Variants in TM9SF4 observed in about 807,000 individuals in gnomAD.
TM9SF4 encodes the protein dinucleotide oxidase disulfide thiol exchanger 3 superfamily member 4.
A neutral mutation model predicts 90.4 loss-of-function variants in TM9SF4; 26 were observed. That is an observed-to-expected ratio of 0.29 (90% confidence interval 0.21 to 0.40). The LOEUF is 0.40. Among genes scored for constraint, TM9SF4 ranks in the 10% least tolerant of loss-of-function variants. The pLI is 1.00. For missense variants in TM9SF4, 549 were observed against 834.8 expected, an observed-to-expected ratio of 0.66 and a Z score of 4.22; for synonymous variants, 293 against 315.4, an observed-to-expected ratio of 0.93 and a Z score of 0.75.
chr20:32,111,083 C>T (rs568771680), intron 1 of TM9SF4, among the ~76,000 whole-genome samples: 1 of 152,270 alleles, frequency 6.6e-6, no homozygotes, highest in South Asian at 2.1e-4. Context: ...ATTTTCCCTC[C>T]TTCTCTTAGC....
chr20:32,157,472 T>C (rs1338800668), intron 13 of TM9SF4, among the ~76,000 whole-genome samples: 1 of 152,228 alleles, frequency 6.6e-6, no homozygotes, highest in Non-Finnish European at 1.5e-5. Context: ...CTTCACATAA[T>C]GTGCCACATG....
At chr20:32,113,565 G>T (rs2046177905) in intron 1 of TM9SF4, among the ~76,000 whole-genome samples, 1 of 151,414 alleles carries the variant, frequency 6.6e-6, no homozygotes, top group East Asian at 2.0e-4. Flanking sequence ...ATTTCTAGAT[G>T]TGTCAGGAGT....
At chr20:32,157,710 A>G (rs969432091) in intron 13 of TM9SF4, 84 bp from the exon 14 acceptor site, 1 of 1,517,664 alleles carries the variant, frequency 6.6e-7, no homozygotes, top group Non-Finnish European at 8.9e-7. Context: ...CCTTCTGTGG[A>G]GCCCAGAAGG....
rs1390461480 is a variant in TM9SF4, at chr20:32,141,536, T to A, written c.269T>A (p.Phe90Tyr). The stretch of plus-strand genomic sequence containing the variant: ...GGGGACCGGATTGTCAACACCCCTT[T>A]CCAGGTTCTCATGAACAGCGAGAAG... ...LRGDRIVNTP[F>Y]QVLMNSEKKC... Residue 90 changes from phenylalanine to tyrosine, a missense_variant, in exon 4 of 18, where the codon TTC (phenylalanine) becomes TAC (tyrosine). Phe to Tyr is a conservative substitution (Grantham distance 22). Coordinates refer to ENST00000398022, the MANE Select transcript of TM9SF4 (RefSeq NM_014742.4). 1 of 1,614,046 alleles carries A rather than the reference T, an allele frequency of 6.2e-7. No individual in the cohort carries two copies. The highest frequency in any genetic ancestry group is 1.1e-5 in the South Asian group (1 of 91,072).
chr20:32,149,533 C>T (rs538048042), intron 9 of TM9SF4, 101 bp from the exon 10 acceptor site: 2 of 1,503,194 alleles, frequency 1.3e-6, no homozygotes, highest in East Asian at 4.6e-5. Flanking sequence ...CAGAGCAGCG[C>T]TGGTTGGCAC....
At chr20:32,147,443 T>C (rs1187353681) in intron 9 of TM9SF4, among the ~76,000 whole-genome samples, 1 of 152,146 alleles carries the variant, frequency 6.6e-6, no homozygotes, top group Admixed American at 6.5e-5. Flanking sequence ...AAAACTATTC[T>C]GCATGCCAAA....
intron 1 of TM9SF4, among the ~76,000 whole-genome samples, chr20:32,119,317 T>C (rs561640407): frequency 1.3e-5 from 2 of 151,972 alleles, no homozygotes; most frequent in South Asian, 2.1e-4. Flanking sequence ...AAATTAGGGC[T>C]GGGCACCGTG....
intron 12 of TM9SF4, among the ~76,000 whole-genome samples, chr20:32,152,018 C>T (rs1364576743): frequency 6.6e-6 from 1 of 151,676 alleles, no homozygotes; most frequent in Non-Finnish European, 1.5e-5. Context: ...CCCACCACCA[C>T]ACCTGGCTAA....
At chr20:32,125,986 C>T (rs753627306) in intron 1 of TM9SF4, among the ~76,000 whole-genome samples, 3 of 150,714 alleles carry the variant, frequency 2.0e-5, no homozygotes, top group African/African-American at 7.3e-5. Context: ...TTTCATTTAT[C>T]GTTATTAGAT....
At position 32,165,750 on chromosome 20, in the gene TM9SF4, AT is replaced by A. The variant is rs200973759; in HGVS notation, c.*315del. ...TTATTCAGGTGTATTTCTGGTTTGG[AT>A]TTTTTTTTCCTTCTTTGTTTTAACA... On this transcript the variant is annotated 3_prime_UTR_variant, in exon 18 of 18. Transcript: ENST00000398022. 40 of 310,292 alleles carry A rather than the reference AT, an allele frequency of 1.3e-4. No individual in the cohort carries two copies. Among genetic ancestry groups the A allele is most frequent in the Non-Finnish European group, 1.5e-4 (24 of 164,124 alleles). The allele number at this position is 310,292 out of a possible 1,614,324, so 19.2% of individuals were successfully genotyped here.
chr20:32,140,988 T>C (rs914461607), intron 3 of TM9SF4, among the ~76,000 whole-genome samples: 8 of 151,748 alleles, frequency 5.3e-5, no homozygotes, highest in Non-Finnish European at 8.8e-5. Context: ...GAGGCTGAGA[T>C]GGGCAGATCA....
At chr20:32,146,898 G>C in intron 9 of TM9SF4, 43 bp downstream of exon 9, 1 of 1,582,612 alleles carries the variant, frequency 6.3e-7, no homozygotes, top group Non-Finnish European at 8.7e-7. Flanking sequence ...GGATGGGGAG[G>C]GGAGGAGGAC....
At chr20:32,143,228 G>C in intron 6 of TM9SF4, 123 bp downstream of exon 6, 1 of 1,216,930 alleles carries the variant, frequency 8.2e-7, no homozygotes, top group Non-Finnish European at 1.1e-6. Context: ...TGTGGGCCCA[G>C]CCAAGGTAGG....
At chr20:32,133,716 A>G (rs544811910) in intron 2 of TM9SF4, among the ~76,000 whole-genome samples, 2 of 152,286 alleles carry the variant, frequency 1.3e-5, no homozygotes, top group African/African-American at 4.8e-5. Flanking sequence ...CAGATTTCCT[A>G]TTCATTTTAC....
At chr20:32,124,094 C>T (rs1219055072) in intron 1 of TM9SF4, among the ~76,000 whole-genome samples, 2 of 152,032 alleles carry the variant, frequency 1.3e-5, no homozygotes, top group Admixed American at 1.3e-4. Flanking sequence ...AAACTCCCAT[C>T]TGTCCTCAAG....
At chr20:32,136,934 G>A (rs750137588) in intron 3 of TM9SF4, 15 of 471,056 alleles carry the variant, frequency 3.2e-5, no homozygotes, top group South Asian at 1.1e-4. Flanking sequence ...TGCCTTCTCC[G>A]TCAGGGCTAC....
rs1354554699 is a variant in TM9SF4, at chr20:32,145,309, C to T, written c.772-3C>T. 2 of 1,614,042 alleles carry T rather than the reference C, an allele frequency of 1.2e-6. No individual in the cohort carries two copies. The highest frequency in any genetic ancestry group is 1.7e-5 in the Admixed American group (1 of 60,020). The stretch of plus-strand genomic sequence containing the variant: ...ACTCTAAGTGCTTCCTCCCACCTGC[C>T]AGGAAAGTGATATCAAATGGGCCTC... On this transcript the variant is annotated splice_region_variant and splice_polypyrimidine_tract_variant and intron_variant, in intron 7 of 17. Transcript: ENST00000398022.
Position 32,165,341 on chromosome 20 carries a change from C to T in TM9SF4, c.1826C>T (p.Thr609Met), listed in dbSNP as rs752974149. ...FIPSLLYFGY[T>M]ALMVLSFWLL... ...CCCTCTCTCCTCTACTTTGGCTACACGGCCCTCATGGTCTTGTCCTTCTGG... is the reference window on the plus strand; with the variant it reads ...CCCTCTCTCCTCTACTTTGGCTACATGGCCCTCATGGTCTTGTCCTTCTGG... The change falls in exon 18 of 18, where the codon ACG (threonine) becomes ATG (methionine). Residue 609 changes from threonine (T) to methionine (M), a missense_variant. By Grantham distance (81) the Thr-to-Met change is moderately conservative. Coordinates refer to ENST00000398022, the MANE Select transcript of TM9SF4 (RefSeq NM_014742.4). 4.3e-6 allele frequency: 7 copies of T among 1,614,200 alleles called. No homozygotes were observed. In the Admixed American group the frequency reaches 5.0e-5, roughly 12 times the overall value.
chr20:32,123,174 G>A (rs1348887853), intron 1 of TM9SF4, among the ~76,000 whole-genome samples: 15 of 32,390 alleles, frequency 4.6e-4, no homozygotes, highest in East Asian at 4.2e-3. Context: ...AGGGAGAGGG[G>A]GAGGGGGGGA....
Sources: allele counts gnomAD v4.1 joint callset (sites outside exome capture counted in the v4.1 genomes callset), GRCh38; gene constraint gnomAD v4.1.1; transcripts MANE v1.5; gene names NCBI Gene and HGNC (gene_info 2026-07-23, HGNC 2026-07-21).